Variants in CSMD3 observed in about 807,000 individuals in gnomAD.
CSMD3 encodes the protein CUB and Sushi multiple domains 3, also known as CUB and sushi domain-containing protein 3.
Under a neutral mutation model 435.2 loss-of-function variants are expected in CSMD3, and 177 were observed. That is an observed-to-expected ratio of 0.41 (90% confidence interval 0.36 to 0.46). The LOEUF (loss-of-function observed/expected upper bound fraction) is 0.46. CSMD3 is among the 20% of genes least tolerant of loss of function. The pLI is 0.34. For synonymous variants in CSMD3, 1,656 were observed against 1,520.5 expected (o/e 1.09, Z -2.07); for missense variants, 4,265 against 4,504.6 (o/e 0.95, Z 1.52).
intron 32 of CSMD3, among the ~76,000 whole-genome samples, chr8:112,466,165 T>C (rs1817938860): frequency 6.6e-6 from 1 of 152,200 alleles, no homozygotes; most frequent in Non-Finnish European, 1.5e-5. Flanking sequence ...TGAAGTGTCA[T>C]ATACTTTAAG....
chr8:112,570,768 G>A (rs1023145601), intron 24 of CSMD3, among the ~76,000 whole-genome samples: 1 of 152,106 alleles, frequency 6.6e-6, no homozygotes, highest in Non-Finnish European at 1.5e-5. Flanking sequence ...TCAGAACCCA[G>A]CTGTTGGTTC....
chr8:112,774,540 T>C (rs1334696793), intron 13 of CSMD3, among the ~76,000 whole-genome samples: 3 of 152,048 alleles, frequency 2.0e-5, no homozygotes, highest in Non-Finnish European at 4.4e-5. Context: ...ATTTTTCTAC[T>C]TCACACCTTA....
At chr8:112,600,230 T>C (rs1031239831) in intron 22 of CSMD3, among the ~76,000 whole-genome samples, 1 of 152,220 alleles carries the variant, frequency 6.6e-6, no homozygotes, top group East Asian at 1.9e-4. Context: ...ATATATATAA[T>C]AAAAAATGCT....
intron 42 of CSMD3, among the ~76,000 whole-genome samples, chr8:112,339,407 T>C (rs1824883984): frequency 1.3e-5 from 2 of 152,092 alleles, no homozygotes; most frequent in Admixed American, 1.3e-4. Flanking sequence ...GGGAAACTTC[T>C]AGGGGGCATC....
intron 27 of CSMD3, among the ~76,000 whole-genome samples, chr8:112,536,291 T>C (rs1407237679): frequency 1.3e-5 from 2 of 151,920 alleles, no homozygotes; most frequent in Non-Finnish European, 2.9e-5. Flanking sequence ...AGGGCTAATA[T>C]CCAGAATCTA....
intron 1 of CSMD3, among the ~76,000 whole-genome samples, chr8:113,361,050 ACT>A (rs1427916476): frequency 6.6e-6 from 1 of 151,946 alleles, no homozygotes; most frequent in Non-Finnish European, 1.5e-5. Flanking sequence ...CTTTAAATTG[ACT>A]CTATTTTATT....
At chr8:112,620,786 C>T (rs971598127) in intron 22 of CSMD3, among the ~76,000 whole-genome samples, 1 of 152,094 alleles carries the variant, frequency 6.6e-6, no homozygotes, top group Non-Finnish European at 1.5e-5. Flanking sequence ...TAATCCTTCC[C>T]GGGATCACAC....
rs1283805790 is a variant in CSMD3 at position 112,304,775 on chromosome 8, C to T, written c.8212G>A (p.Glu2738Lys). The change falls in exon 52 of 71, where the codon GAA becomes AAA. Residue 2738 changes from glutamate to lysine, a missense_variant. Glu to Lys is a moderately conservative substitution (Grantham distance 56). Transcript: ENST00000297405. Reference protein sequence around the residue: ...GYHGLGPASIECLPNGTWSWR... With the variant: ...GYHGLGPASIKCLPNGTWSWR... ...CTCCAAGTACCATTAGGAAGACATTCGATGGAGGCAGGACCTAGTCCATGA... is the reference window on the plus strand; with the variant it reads ...CTCCAAGTACCATTAGGAAGACATTTGATGGAGGCAGGACCTAGTCCATGA... 1.2e-5 allele frequency: 19 copies of T among 1,613,848 alleles called. No individual in the cohort carries two copies. The highest frequency in any genetic ancestry group is 1.6e-5 in the Non-Finnish European group (19 of 1,179,814).
At chr8:112,614,385 C>T (rs1345278599) in intron 22 of CSMD3, among the ~76,000 whole-genome samples, 2 of 152,048 alleles carry the variant, frequency 1.3e-5, no homozygotes, top group Non-Finnish European at 2.9e-5. Context: ...GCTCAGAATC[C>T]TTTAATGGCT....
intron 4 of CSMD3, among the ~76,000 whole-genome samples, chr8:113,165,663 T>C (rs1178763903): frequency 2.0e-5 from 3 of 152,042 alleles, no homozygotes; most frequent in Non-Finnish European, 2.9e-5. Flanking sequence ...ATTTACACTA[T>C]CGTAACATAT....
chr8:112,673,507 T>C (rs1303739696), intron 16 of CSMD3, among the ~76,000 whole-genome samples: 1 of 152,134 alleles, frequency 6.6e-6, no homozygotes, highest in East Asian at 1.9e-4. Context: ...GAGGGGTTCA[T>C]TGTTAGATAT....
chr8:112,902,421 C>T (rs1481202548), intron 10 of CSMD3, among the ~76,000 whole-genome samples: 2 of 151,218 alleles, frequency 1.3e-5, no homozygotes, highest in Non-Finnish European at 1.5e-5. Flanking sequence ...CCAAGGGCAT[C>T]TCAGCTTTAC....
At chr8:112,377,652 C>T (rs1052365106) in intron 38 of CSMD3, among the ~76,000 whole-genome samples, 2 of 151,960 alleles carry the variant, frequency 1.3e-5, no homozygotes, top group East Asian at 3.9e-4. Flanking sequence ...TATACCACAA[C>T]TAAGAGGAAT....
At chr8:112,775,023 A>C (rs2078210698) in intron 13 of CSMD3, among the ~76,000 whole-genome samples, 1 of 151,834 alleles carries the variant, frequency 6.6e-6, no homozygotes, top group Admixed American at 6.6e-5. Flanking sequence ...TCAGGATTAT[A>C]CACTGCTTTT....
chr8:113,316,690 C>A (rs2093912902), intron 1 of CSMD3, among the ~76,000 whole-genome samples: 1 of 151,968 alleles, frequency 6.6e-6, no homozygotes, highest in Non-Finnish European at 1.5e-5. Context: ...GCTGGGATTA[C>A]AGACATACGC....
chr8:112,645,794 T>C (rs2074963714), intron 19 of CSMD3, among the ~76,000 whole-genome samples: 1 of 152,222 alleles, frequency 6.6e-6, no homozygotes, highest in African/African-American at 2.4e-5. Context: ...ATATTTGATT[T>C]GATATTCATT....
intron 4 of CSMD3, among the ~76,000 whole-genome samples, chr8:113,132,572 G>C (rs966830951): frequency 6.6e-6 from 1 of 152,060 alleles, no homozygotes; most frequent in Non-Finnish European, 1.5e-5. Flanking sequence ...GTTTCCTGAG[G>C]CTTCCCAGTC....
At chr8:112,477,213 C>T (rs16883718) in intron 31 of CSMD3, among the ~76,000 whole-genome samples, 2,664 of 151,998 alleles carry the variant, frequency 0.018, 81 homozygotes, top group African/African-American at 0.06. Context: ...TTTCTTTCTG[C>T]GATGGAAATT....
chr8:112,566,015 G>T (rs1190090513), intron 24 of CSMD3, among the ~76,000 whole-genome samples: 1 of 148,304 alleles, frequency 6.7e-6, no homozygotes, highest in Non-Finnish European at 1.5e-5. Context: ...GGGAAGAATT[G>T]CACTAACATT....
Sources: gnomAD v4.1 joint callset for allele counts (sites outside exome capture counted in the v4.1 genomes callset) on GRCh38, gnomAD v4.1.1 for gene constraint, MANE v1.5 for transcripts, NCBI Gene and HGNC (gene_info 2026-07-23, HGNC 2026-07-21) for gene names.